The following FBLN1 variants were observed in gnomAD, a reference collection of about 807,000 sequenced individuals.
The protein encoded by FBLN1 is fibulin-1.
A neutral mutation model predicts 89.7 loss-of-function variants in FBLN1; 34 were observed. The ratio of observed to expected loss-of-function variants is 0.38; its 90% confidence interval spans 0.29 to 0.50. The LOEUF (loss-of-function observed/expected upper bound fraction) is 0.50. Among genes scored for constraint, FBLN1 ranks in the 20% least tolerant of loss-of-function variants. The probability of loss-of-function intolerance (pLI) is 0.92; values close to 1 mark genes in which losing one functional copy is unlikely to be tolerated. For missense variants in FBLN1, 777 were observed against 988.1 expected (o/e 0.79, Z 2.86); for synonymous variants, 393 against 391.3 (o/e 1.00, Z -0.05).
At chr22:45,600,182 G>T (rs2089219178) in intron 16 of FBLN1, 125 bp from the exon 17 acceptor site, 4 of 1,135,244 alleles carry the variant, frequency 3.5e-6, no homozygotes, top group Admixed American at 3.4e-5. Flanking sequence ...TCTGGCGTAG[G>T]ATGGGACTCC....
At chr22:45,599,336 C>T (rs763490337) in intron 16 of FBLN1, among the ~76,000 whole-genome samples, 1 of 152,186 alleles carries the variant, frequency 6.6e-6, no homozygotes, top group African/African-American at 2.4e-5. Flanking sequence ...ACTCCAGCCA[C>T]CTCTTGCTTC....
chr22:45,571,125 A>G (rs535925226), intron 14 of FBLN1, among the ~76,000 whole-genome samples: 2 of 151,192 alleles, frequency 1.3e-5, no homozygotes, highest in Admixed American at 1.3e-4. Flanking sequence ...AAAAAAAAAA[A>G]AAAAAAAAAA....
intron 16 of FBLN1, among the ~76,000 whole-genome samples, chr22:45,596,715 TTTA>T (rs2089190033): frequency 6.8e-6 from 1 of 147,766 alleles, no homozygotes; most frequent in Non-Finnish European, 1.5e-5. Flanking sequence ...ATGTTTATAT[TTTA>T]TATATAAATT....
intron 1 of FBLN1, among the ~76,000 whole-genome samples, chr22:45,504,565 G>C (rs2087992427): frequency 6.6e-6 from 1 of 152,192 alleles, no homozygotes; most frequent in Non-Finnish European, 1.5e-5. Context: ...ACTCCTGTTA[G>C]AAAAGGAAGG....
intron 1 of FBLN1, among the ~76,000 whole-genome samples, chr22:45,505,055 T>C (rs1266031260): frequency 6.6e-6 from 1 of 152,192 alleles, no homozygotes; most frequent in Non-Finnish European, 1.5e-5. Context: ...GCCTGTTAGC[T>C]GATCTGCAGA....
intron 2 of FBLN1, among the ~76,000 whole-genome samples, chr22:45,519,192 G>A (rs1461461093): frequency 2.0e-5 from 3 of 152,196 alleles, no homozygotes; most frequent in African/African-American, 7.2e-5. Flanking sequence ...CCAATGAGCC[G>A]GCGCAGAGTG....
chr22:45,599,265 T>C (rs2089211037), intron 16 of FBLN1, among the ~76,000 whole-genome samples: 1 of 152,194 alleles, frequency 6.6e-6, no homozygotes, highest in Non-Finnish European at 1.5e-5. Context: ...CCAGTCTCCC[T>C]GCACCACCCA....
intron 2 of FBLN1, among the ~76,000 whole-genome samples, chr22:45,520,871 A>C (rs2088240916): frequency 6.6e-6 from 1 of 152,006 alleles, no homozygotes; most frequent in Admixed American, 6.6e-5. Flanking sequence ...GCTGGGGTGC[A>C]GTATGTTGAT....
chr22:45,547,392 T>G (rs1225077130), intron 12 of FBLN1, among the ~76,000 whole-genome samples, 188 bp downstream of exon 12: 1 of 136,442 alleles, frequency 7.3e-6, no homozygotes, highest in Non-Finnish European at 1.6e-5. Flanking sequence ...TGAGGTTTTT[T>G]TTTTTTTTTT....
At chr22:45,566,446 G>C (rs749444382) in intron 14 of FBLN1, among the ~76,000 whole-genome samples, 95 of 152,222 alleles carry the variant, frequency 6.2e-4, no homozygotes, top group Non-Finnish European at 6.3e-4. Context: ...GCTCCTTGGG[G>C]CTCCTTAGCC....
chr22:45,527,492 A>G (rs574830019), intron 3 of FBLN1, among the ~76,000 whole-genome samples: 1 of 151,884 alleles, frequency 6.6e-6, no homozygotes, highest in Non-Finnish European at 1.5e-5. Context: ...GAGCTGGTGC[A>G]TGGTGCTATA....
At chr22:45,589,017 G>A (rs966444938) in intron 16 of FBLN1, among the ~76,000 whole-genome samples, 1 of 149,692 alleles carries the variant, frequency 6.7e-6, no homozygotes, top group Non-Finnish European at 1.5e-5. Flanking sequence ...CAAACCCCGC[G>A]TGGCCCTTGT....
rs2088999444 is a variant in FBLN1, at chr22:45,576,631, C to G, written c.1841-346C>G. ...TGGCCTTTCTGCTGTCTCCCTCTGT[C>G]CCCTCACTCGCTTTCCTCCTCTGGT... On this transcript the variant is annotated intron_variant, in intron 15 of 16. Coordinates refer to ENST00000327858, the MANE Select transcript of FBLN1 (RefSeq NM_006486.3). The surrounding 1 kb of genome is among the most constrained non-coding windows in gnomAD (Gnocchi z 5.2). Among the ~76,000 whole-genome samples, 1 of 152,110 alleles carries G rather than the reference C, an allele frequency of 6.6e-6. No individual in the cohort carries two copies. The highest frequency in any genetic ancestry group is 2.1e-4 in the South Asian group (1 of 4,820).
Position 45,594,845 on chromosome 22 carries a change from A to AGTGG in FBLN1, c.1973-5453_1973-5450dup, listed in dbSNP as rs373658678. Among the ~76,000 whole-genome samples, 155 of 110,020 alleles carry AGTGG rather than the reference A, an allele frequency of 1.4e-3. 2 individuals are homozygous for AGTGG. The highest frequency in any genetic ancestry group is 7.2e-3 in the South Asian group (23 of 3,198). 72.2% of individuals were successfully genotyped at this position (110,020 alleles called of 152,430 possible). A position where few individuals can be genotyped will look rare whatever the true frequency, so the allele number is the denominator to read the frequency against. On this transcript the variant is annotated intron_variant, in intron 16 of 16. Coordinates refer to ENST00000327858, the MANE Select transcript of FBLN1 (RefSeq NM_006486.3). ...GGGTAGGTGAGTTGATGGATTGCTG[A>AGTGG]GTGGGTGGGTGGATGGATGGATGGA...
At chr22:45,526,162 TG>T (rs564699912) in intron 3 of FBLN1, among the ~76,000 whole-genome samples, 2 of 152,150 alleles carry the variant, frequency 1.3e-5, no homozygotes, top group Non-Finnish European at 2.9e-5. Context: ...AAGAGGAAAC[TG>T]AGGTTCAGAG....
Position 45,580,597 on chromosome 22 carries a change from C to T in FBLN1, c.1972+3489C>T, listed in dbSNP as rs1464241409. Reference sequence around the variant, plus strand: ...AGCCAGAGAGGGCAAGAGATTTGCCCGAGGCCACTCAGAGCTGGGGCCAGA... The same window carrying T: ...AGCCAGAGAGGGCAAGAGATTTGCCTGAGGCCACTCAGAGCTGGGGCCAGA... On this transcript the variant is annotated intron_variant, in intron 16 of 16. Coordinates refer to ENST00000327858, the MANE Select transcript of FBLN1 (RefSeq NM_006486.3). This position sits in a 1 kb window ranked among gnomAD's most constrained non-coding sequence, Gnocchi z 8.6. 6.6e-5 allele frequency among the ~76,000 whole-genome samples: 10 copies of T among 152,200 alleles called. No individual in the cohort carries two copies. The highest frequency in any genetic ancestry group is 5.9e-4 in the Admixed American group (9 of 15,286).
rs529211057 is a variant in FBLN1, at chr22:45,579,471, C to G, written c.1972+2363C>G. 6.6e-6 allele frequency among the ~76,000 whole-genome samples: 1 copy of G among 152,262 alleles called. No individual in the cohort carries two copies. Among genetic ancestry groups the G allele is most frequent in the Non-Finnish European group, 1.5e-5 (1 of 68,044 alleles). On this transcript the variant is annotated intron_variant, in intron 16 of 16. Transcript: ENST00000327858. The surrounding 1 kb of genome is among the most constrained non-coding windows in gnomAD (Gnocchi z 5.5). ...AAGGACCCAGCGGCTTCCCCCGGCA[C>G]AGTTGGTCACGGGTGCCCTGGTCTT...
intron 2 of FBLN1, 98 bp downstream of exon 2, chr22:45,518,885 C>T: frequency 8.9e-7 from 1 of 1,118,798 alleles, no homozygotes; most frequent in Non-Finnish European, 1.3e-6. Context: ...TCGGGAGAGG[C>T]TGGACACCCA....
chr22:45,537,799 C>CAGGG lies in FBLN1; in HGVS notation c.922+2467_922+2470dup, dbSNP rs1203475504. ...TGGCCCCTCGCCAGTCCCTTGCCAG[C>CAGGG]AGGGAGGGGTGGTTTTCGCTCAGCG... is the stretch of plus-strand genomic sequence containing the variant. On this transcript the variant is annotated intron_variant, in intron 8 of 16. Coordinates refer to ENST00000327858, the MANE Select transcript of FBLN1 (RefSeq NM_006486.3). The surrounding 1 kb of genome is among the most constrained non-coding windows in gnomAD (Gnocchi z 5.7). Among the ~76,000 whole-genome samples, 2 of 152,104 alleles carry CAGGG rather than the reference C, an allele frequency of 1.3e-5. No individual in the cohort carries two copies. The highest frequency in any genetic ancestry group is 4.8e-5 in the African/African-American group (2 of 41,416).
Sources: gnomAD v4.1 joint callset for allele counts (sites outside exome capture counted in the v4.1 genomes callset) on GRCh38, gnomAD v4.1.1 for gene constraint, Gnocchi (gnomAD v3.1) non-coding constraint, MANE v1.5 for transcripts, NCBI Gene and HGNC (gene_info 2026-07-23, HGNC 2026-07-21) for gene names.